UNC13B: variants seen among roughly 807,000 people sequenced by gnomAD.
The protein encoded by UNC13B is protein unc-13 homolog B.
UNC13B carries 144 observed loss-of-function variants against 211.0 expected under a neutral mutation model. That is an observed-to-expected ratio of 0.68 (90% CI 0.60 to 0.78). UNC13B has a LOEUF of 0.78. Among genes scored for constraint, UNC13B ranks in the 30% least tolerant of loss-of-function variants. The pLI, the probability that UNC13B is intolerant of heterozygous loss-of-function variation, is 0.00. For synonymous variants in UNC13B, 709 were observed against 725.8 expected, an observed-to-expected ratio of 0.98 and a Z score of 0.37; for missense variants, 1,777 against 2,002.0, an observed-to-expected ratio of 0.89 and a Z score of 2.14.
chr9:35,348,861 C>T (rs1217201624), intron 11 of UNC13B, among the ~76,000 whole-genome samples: 1 of 152,178 alleles, frequency 6.6e-6, no homozygotes, highest in Non-Finnish European at 1.5e-5. Context: ...AGCACTTGCT[C>T]ATGGCTTCAT....
chr9:35,326,626 T>G (rs1831032519), intron 11 of UNC13B, among the ~76,000 whole-genome samples: 1 of 152,222 alleles, frequency 6.6e-6, no homozygotes, highest in Non-Finnish European at 1.5e-5. Flanking sequence ...TGGGCTCAAG[T>G]GATCCTTATG....
At chr9:35,170,305 A>AC (rs1821263491) in intron 1 of UNC13B, among the ~76,000 whole-genome samples, 1 of 151,860 alleles carries the variant, frequency 6.6e-6, no homozygotes, top group Non-Finnish European at 1.5e-5. Flanking sequence ...AGCTGGGACT[A>AC]CAGGTGTCCA....
intron 11 of UNC13B, chr9:35,353,354 C>T (rs1832838017): frequency 2.4e-6 from 3 of 1,232,068 alleles, no homozygotes; most frequent in Non-Finnish European, 3.0e-6. Flanking sequence ...GTCCATCAGT[C>T]CTGAGGACCT....
At chr9:35,298,949 G>A (rs888046677) in intron 8 of UNC13B, among the ~76,000 whole-genome samples, 1 of 152,176 alleles carries the variant, frequency 6.6e-6, no homozygotes, top group Non-Finnish European at 1.5e-5. Context: ...TAATGCCTTA[G>A]GCTGGGCATG....
intron 11 of UNC13B, among the ~76,000 whole-genome samples, chr9:35,362,379 C>G (rs1416226628): frequency 6.6e-6 from 1 of 152,170 alleles, no homozygotes; most frequent in Admixed American, 6.5e-5. Context: ...GTGATACACA[C>G]TAAGCAGTGG....
In UNC13B at chr9:35,370,695, A is replaced by G. The variant is rs187562334; in HGVS notation, c.9540+299A>G. 4.6e-5 allele frequency among the ~76,000 whole-genome samples: 7 copies of G among 152,308 alleles called. No individual in the cohort carries two copies. The East Asian group carries it at 1.2e-3, about 25-fold the overall frequency. On this transcript the variant is annotated intron_variant, in intron 13 of 39. Coordinates refer to ENST00000635942, the MANE Select transcript of UNC13B (RefSeq NM_001371189.2). ...GCATCTAGCTCTTATAGGTATCTCT[A>G]CAGCCTTCTTTGATGACCTGTAATG...
chr9:35,375,988 C>CA (rs1834376078), intron 14 of UNC13B, 40 bp from the exon 15 acceptor site: 1 of 1,609,882 alleles, frequency 6.2e-7, no homozygotes, highest in African/African-American at 1.3e-5. Flanking sequence ...TCAAAACAAA[C>CA]AAAAAACAAA....
At chr9:35,245,922 C>A (rs1826069698) in intron 6 of UNC13B, among the ~76,000 whole-genome samples, 1 of 152,186 alleles carries the variant, frequency 6.6e-6, no homozygotes, top group Admixed American at 6.5e-5. Context: ...TGAGGAATCG[C>A]CACACTGTAT....
At chr9:35,207,602 T>G (rs1032208483) in intron 1 of UNC13B, among the ~76,000 whole-genome samples, 1 of 152,002 alleles carries the variant, frequency 6.6e-6, no homozygotes, top group Non-Finnish European at 1.5e-5. Flanking sequence ...CCCAAAGTGC[T>G]GGGCTTACAG....
intron 1 of UNC13B, among the ~76,000 whole-genome samples, chr9:35,188,872 T>C (rs938500946): frequency 5.3e-5 from 8 of 152,226 alleles, no homozygotes; most frequent in Non-Finnish European, 2.9e-5. Context: ...TGATTCCATC[T>C]AATTTTAACC....
At position 35,295,942 on chromosome 9, in the gene UNC13B, G is replaced by A; in HGVS notation, c.761+12G>A. On this transcript the variant is annotated intron_variant, in intron 8 of 39. Coordinates refer to ENST00000635942, the MANE Select transcript of UNC13B (RefSeq NM_001371189.2). ...CGGCGGGCTATCAGGTGGGTATTGA[G>A]CACAAAGTACTTTCTCTTCCTAATA... 6.3e-7 allele frequency: 1 copy of A among 1,584,584 alleles called. No individual in the cohort carries two copies. Among genetic ancestry groups the A allele is most frequent in the East Asian group, 2.3e-5 (1 of 43,772 alleles).
intron 29 of UNC13B, 61 bp downstream of exon 29, chr9:35,397,371 A>G: frequency 6.3e-7 from 1 of 1,594,286 alleles, no homozygotes; most frequent in East Asian, 2.2e-5. Flanking sequence ...GTCTCATCAC[A>G]GGCCTGAGCT....
chr9:35,240,688 T>C (rs1023225276), intron 5 of UNC13B, among the ~76,000 whole-genome samples: 3 of 152,184 alleles, frequency 2.0e-5, no homozygotes, highest in Non-Finnish European at 2.9e-5. Flanking sequence ...TTGACTGATT[T>C]CACTCACTAA....
chr9:35,307,217 C>G lies in UNC13B; in HGVS notation c.7813C>G (p.Arg2605Gly), dbSNP rs117346386. 2.5e-6 allele frequency: 1 copy of G among 398,770 alleles called. No homozygotes were observed. The highest frequency in any genetic ancestry group is 4.4e-6 in the Non-Finnish European group (1 of 226,054). 24.7% of individuals were successfully genotyped at this position (398,770 alleles called of 1,614,324 possible). A position where few individuals can be genotyped will look rare whatever the true frequency, so the allele number is the denominator to read the frequency against. Residue 2605 changes from arginine (R) to glycine (G), a missense_variant, in exon 9 of 40, where the codon CGT (arginine) becomes GGT (glycine). Physicochemically the swap from Arg to Gly is moderately radical, Grantham distance 125 (BLOSUM62 -2). Transcript: ENST00000635942. Reference sequence around the variant, plus strand: ...TCCTGAAAATATTCTGGAACCTCAACGTTCTGAAACAATTAATACATCTTC... The same window carrying G: ...TCCTGAAAATATTCTGGAACCTCAAGGTTCTGAAACAATTAATACATCTTC... ...NTPENILEPQ[R>G]SETINTSSFS... is the part of the protein sequence containing the mutation.
Position 35,398,356 on chromosome 9 carries a change from C to T in UNC13B, c.11832+68C>T, listed in dbSNP as rs551660977. On this transcript the variant is annotated intron_variant, in intron 31 of 39. Transcript: ENST00000635942. ...CCTGAGCTCCTTGGCCATAGAACTC[C>T]ACCCTCTCTTAACTAGGTGTAGGCC... 6.1e-5 allele frequency: 93 copies of T among 1,536,862 alleles called. No individual in the cohort carries two copies. In the African/African-American group the frequency reaches 1.1e-3, roughly 19 times the overall value.
intron 3 of UNC13B, among the ~76,000 whole-genome samples, chr9:35,232,512 A>T (rs1825274074): frequency 6.6e-6 from 1 of 151,950 alleles, no homozygotes; most frequent in Admixed American, 6.6e-5. Flanking sequence ...CATTATTGTG[A>T]TAGTTAAAGG....
chr9:35,316,770 C>T (rs1830480046), intron 11 of UNC13B, among the ~76,000 whole-genome samples: 1 of 152,092 alleles, frequency 6.6e-6, no homozygotes, highest in Non-Finnish European at 1.5e-5. Flanking sequence ...GAACCAATTG[C>T]TCTTCTTTCA....
At chr9:35,207,302 C>G (rs192197645) in intron 1 of UNC13B, among the ~76,000 whole-genome samples, 30 of 151,878 alleles carry the variant, frequency 2.0e-4, no homozygotes, top group African/African-American at 7.0e-4. Context: ...TTCTGTAACT[C>G]AGGCTGGAAT....
chr9:35,352,081 G>C (rs1832751328), intron 11 of UNC13B: 13 of 1,231,996 alleles, frequency 1.1e-5, no homozygotes, highest in Middle Eastern at 3.1e-4. Context: ...ACTCAGTACT[G>C]AGTGAAATAG....
Sources: gnomAD v4.1 joint callset for allele counts (sites outside exome capture counted in the v4.1 genomes callset) on GRCh38, gnomAD v4.1.1 for gene constraint, MANE v1.5 for transcripts, NCBI Gene and HGNC (gene_info 2026-07-23, HGNC 2026-07-21) for gene names.